NCAPG2: variants seen among roughly 807,000 people sequenced by gnomAD.
NCAPG2 encodes the protein non-SMC condensin II complex subunit G2.
Under a neutral mutation model 141.1 loss-of-function variants are expected in NCAPG2, and 53 were observed. That is an observed-to-expected ratio of 0.38 (90% CI 0.30 to 0.47). The LOEUF (loss-of-function observed/expected upper bound fraction) is 0.47. Ranked by LOEUF, NCAPG2 falls within the 20% of genes least tolerant of loss-of-function variation. The pLI is 0.99. For missense variants in NCAPG2, 1,087 were observed against 1,389.0 expected, an observed-to-expected ratio of 0.78 and a Z score of 3.46; for synonymous variants, 499 against 490.7, an observed-to-expected ratio of 1.02 and a Z score of -0.22.
chr7:158,651,100 G>A, intron 23 of NCAPG2, 128 bp from the exon 24 acceptor site: 2 of 998,266 alleles, frequency 2.0e-6, no homozygotes, highest in Non-Finnish European at 2.7e-6. Context: ...GATCTTGTTT[G>A]CCTGCTACCA....
rs557893013 is a variant in NCAPG2 at position 158,692,871 on chromosome 7, G to C, written c.353C>G (p.Ala118Gly). The C allele has an allele frequency of 1.3e-6, 2 of 1,584,766 alleles. No individual in the cohort carries two copies. The highest frequency in any genetic ancestry group is 1.7e-5 in the Admixed American group (1 of 58,192). The stretch of plus-strand genomic sequence containing the variant: ...TAATATAATAACACATTCCAGTAGG[G>C]CTTCGTAGTTCTCACTTTCATTTAT... ...SVINESENYE[A>G]LLECVIILNG... Residue 118 changes from alanine to glycine, a missense_variant, in exon 4 of 28, where the codon GCC becomes GGC. Coordinates refer to ENST00000356309, the MANE Select transcript of NCAPG2 (RefSeq NM_017760.7).
At chr7:158,668,485 G>T in intron 13 of NCAPG2, 2 of 900,488 alleles carry the variant, frequency 2.2e-6, no homozygotes, top group Non-Finnish European at 2.7e-6. Context: ...ATCTTTTAGA[G>T]ATACATTCTG....
intron 13 of NCAPG2, chr7:158,667,009 G>T: frequency 2.1e-6 from 1 of 480,426 alleles, no homozygotes; most frequent in Non-Finnish European, 2.7e-6. Context: ...GGTTGTTCCT[G>T]CCCATAGACA....
chr7:158,701,714 C>T, intron 2 of NCAPG2, 108 bp downstream of exon 2: 3 of 997,150 alleles, frequency 3.0e-6, no homozygotes, highest in Admixed American at 5.0e-5. Context: ...ACATTGGTCG[C>T]TAAGGATTCA....
intron 4 of NCAPG2, among the ~76,000 whole-genome samples, chr7:158,692,131 C>A (rs1360161868): frequency 6.6e-6 from 1 of 152,068 alleles, no homozygotes; most frequent in Non-Finnish European, 1.5e-5. Flanking sequence ...ACAGTTAGAT[C>A]CTGTCTCTAC....
intron 24 of NCAPG2, among the ~76,000 whole-genome samples, chr7:158,648,566 G>A (rs1341958270): frequency 7.7e-6 from 1 of 130,004 alleles, no homozygotes; most frequent in African/African-American, 2.9e-5. Flanking sequence ...CGACAACCAC[G>A]CCAAATGGAC....
At position 158,671,613 on chromosome 7, in the gene NCAPG2, G is replaced by T; in HGVS notation, c.1380C>A (p.Leu460=). ...GGAGACTGTATCTGAGAGCTGGAAG[G>T]AGCTGCTCTAACAATGGGTGGCTCA... The part of the protein sequence containing the change: ...NKLSHPLLEQ[L]LPALRYSLHD... Residue 460 remains leucine (L), a synonymous_variant, in exon 13 of 28, where the codon CTC becomes CTA. Transcript: ENST00000356309. 1 of 1,614,160 alleles carries T rather than the reference G, an allele frequency of 6.2e-7. No individual in the cohort carries two copies. Among genetic ancestry groups the T allele is most frequent in the Non-Finnish European group, 8.5e-7 (1 of 1,180,016 alleles).
At chr7:158,682,775 A>T (rs1834522960) in intron 9 of NCAPG2, among the ~76,000 whole-genome samples, 4 of 152,234 alleles carry the variant, frequency 2.6e-5, no homozygotes. Flanking sequence ...CTATCAGTGT[A>T]GTAATGGCAC....
intron 19 of NCAPG2, 52 bp from the exon 20 acceptor site, chr7:158,655,507 C>T: frequency 7.0e-7 from 1 of 1,422,424 alleles, no homozygotes; most frequent in South Asian, 1.2e-5. Flanking sequence ...GGCACCACCA[C>T]ACCCCGTACA....
rs541103522 is a variant in NCAPG2 at position 158,636,473 on chromosome 7, C to G, written c.3381-4756G>C. On this transcript the variant is annotated intron_variant, in intron 27 of 27. Transcript: ENST00000356309. ...CTGGAGTGCAATGGCTCGATCTGGGCTCACCGCAACCTCTGCCTTCCGGGT... is the reference window on the plus strand; with the variant it reads ...CTGGAGTGCAATGGCTCGATCTGGGGTCACCGCAACCTCTGCCTTCCGGGT... 2.7e-4 allele frequency among the ~76,000 whole-genome samples: 40 copies of G among 148,224 alleles called. No individual in the cohort carries two copies. In the South Asian group the frequency reaches 7.9e-3, roughly 29 times the overall value.
rs772573397 is a variant in NCAPG2, at chr7:158,680,829, A to G, written c.925-13T>C. On this transcript the variant is annotated splice_polypyrimidine_tract_variant and intron_variant, in intron 9 of 27. Coordinates refer to ENST00000356309, the MANE Select transcript of NCAPG2 (RefSeq NM_017760.7). ...AGTAACTCAGAACCTAAGGACCAAA[A>G]AAAGGAAAAGGAAGGCATTAACAAA... 1.3e-6 allele frequency: 2 copies of G among 1,547,008 alleles called. No homozygotes were observed. Among genetic ancestry groups the G allele is most frequent in the South Asian group, 2.4e-5 (2 of 81,768 alleles).
chr7:158,682,866 T>C (rs1393173579), intron 9 of NCAPG2, among the ~76,000 whole-genome samples: 1 of 152,168 alleles, frequency 6.6e-6, no homozygotes, highest in Non-Finnish European at 1.5e-5. Flanking sequence ...CTGAGATTAA[T>C]CTAAATTCTG....
intron 9 of NCAPG2, among the ~76,000 whole-genome samples, chr7:158,681,562 C>T (rs961782720): frequency 2.0e-5 from 3 of 152,160 alleles, no homozygotes; most frequent in African/African-American, 7.2e-5. Context: ...TTTAAGTGAG[C>T]TTGTATCAAC....
chr7:158,666,193 G>A (rs1041842711), intron 13 of NCAPG2, among the ~76,000 whole-genome samples: 2 of 152,184 alleles, frequency 1.3e-5, no homozygotes, highest in African/African-American at 2.4e-5. Flanking sequence ...GGACAAGAAA[G>A]AGAAAAATAC....
rs778669004 is a variant in NCAPG2, at chr7:158,652,365, G to C, written c.2862C>G (p.Val954=). The C allele has an allele frequency of 1.2e-6, 2 of 1,613,830 alleles. No homozygotes were observed. Among genetic ancestry groups the C allele is most frequent in the Non-Finnish European group, 1.7e-6 (2 of 1,179,970 alleles). The change falls in exon 23 of 28, where the codon GTC becomes GTG. Residue 954 remains valine, a synonymous_variant. Coordinates refer to ENST00000356309, the MANE Select transcript of NCAPG2 (RefSeq NM_017760.7). ...DEEVAMLLDT[V]QKVFQKMLEC... is the part of the protein sequence containing the mutation. The stretch of plus-strand genomic sequence containing the variant: ...CCAACATTTTCTGAAATACTTTCTG[G>C]ACTGTGTCCAACAGCATTGCAACTT...
intron 11 of NCAPG2, 24 bp downstream of exon 11, chr7:158,679,936 A>G (rs1362895260): frequency 2.5e-6 from 4 of 1,612,056 alleles, no homozygotes; most frequent in Non-Finnish European, 3.4e-6. Context: ...ATCTGTAAGA[A>G]GCTTGACCAC....
intron 22 of NCAPG2, among the ~76,000 whole-genome samples, chr7:158,654,070 C>T (rs1587117903): frequency 2.0e-5 from 3 of 152,094 alleles, no homozygotes; most frequent in South Asian, 2.1e-4. Context: ...ACCCCAGCTG[C>T]ACTCCCCCTG....
intron 16 of NCAPG2, among the ~76,000 whole-genome samples, chr7:158,660,209 T>C (rs544820529): frequency 1.9e-4 from 29 of 151,952 alleles, no homozygotes; most frequent in African/African-American, 6.8e-4. Context: ...AAGGAAGCAA[T>C]TTTCCTTAGT....
chr7:158,670,409 T>A (rs1833612221), intron 13 of NCAPG2, among the ~76,000 whole-genome samples: 1 of 151,932 alleles, frequency 6.6e-6, no homozygotes, highest in African/African-American at 2.4e-5. Context: ...CTACAAAAAC[T>A]ACAAAAATCA....
Sources: gnomAD v4.1 joint callset for allele counts (sites outside exome capture counted in the v4.1 genomes callset) on GRCh38, gnomAD v4.1.1 for gene constraint, MANE v1.5 for transcripts, NCBI Gene and HGNC (gene_info 2026-07-23, HGNC 2026-07-21) for gene names.